Variants in NSD2 observed in about 807,000 individuals in gnomAD.
NSD2 encodes histone-lysine N-methyltransferase NSD2.
NSD2 carries 12 observed loss-of-function variants against 139.0 expected under a neutral mutation model. That is an observed-to-expected ratio of 0.09 (90% CI 0.06 to 0.14). The LOEUF is 0.14. Ranked by LOEUF, NSD2 falls within the 10% of genes least tolerant of loss-of-function variation. The pLI is 1.00. For missense variants in NSD2, 1,155 were observed against 1,745.0 expected, an observed-to-expected ratio of 0.66 and a Z score of 6.02; for synonymous variants, 669 against 648.7, an observed-to-expected ratio of 1.03 and a Z score of -0.48.
intron 9 of NSD2, chr4:1,947,763 G>A: frequency 9.5e-7 from 1 of 1,049,404 alleles, no homozygotes; most frequent in Non-Finnish European, 1.2e-6. Flanking sequence ...AATTATGTCA[G>A]TTTATAGAAA....
chr4:1,896,425 A>G (rs1010123306), intron 1 of NSD2, among the ~76,000 whole-genome samples: 1 of 152,230 alleles, frequency 6.6e-6, no homozygotes, highest in Non-Finnish European at 1.5e-5. Flanking sequence ...CTGGCGTGCA[A>G]TAGTGTGGTC....
chr4:1,978,596 T>C (rs1727384584), intron 21 of NSD2, 42 bp from the exon 22 acceptor site: 6 of 1,561,714 alleles, frequency 3.8e-6, no homozygotes, highest in African/African-American at 1.4e-5. Flanking sequence ...GAAGTCGTGA[T>C]TCCATCACTT....
chr4:1,899,997 C>T (rs1716941344), intron 1 of NSD2, among the ~76,000 whole-genome samples: 1 of 152,192 alleles, frequency 6.6e-6, no homozygotes, highest in South Asian at 2.1e-4. Flanking sequence ...GGATTGCTTT[C>T]ACCCTTGGAG....
rs758288690 is a variant in NSD2 at position 1,961,121 on chromosome 4, C to T, written c.3342C>T (p.Ile1114=). ...TCAAGCACGCACACGAGAACGACAT[C>T]ACCCACTTCTACATGCTCACTATAG... is the stretch of plus-strand genomic sequence containing the variant. The part of the protein sequence containing the change: ...ARIKHAHEND[I]THFYMLTIDK... The change falls in exon 18 of 22, where the codon ATC becomes ATT. Residue 1114 remains isoleucine (I), a synonymous_variant. Coordinates refer to ENST00000508803, the MANE Select transcript of NSD2 (RefSeq NM_001042424.3). The T allele has an allele frequency of 3.7e-6, 6 of 1,613,308 alleles. No homozygotes were observed. The East Asian group carries it at 8.9e-5, about 24-fold the overall frequency.
chr4:1,902,159 G>C (rs539760137), intron 2 of NSD2, among the ~76,000 whole-genome samples: 2 of 152,282 alleles, frequency 1.3e-5, no homozygotes, highest in Admixed American at 6.5e-5. Context: ...TTAAAAAAAC[G>C]TTTTTTGATT....
intron 9 of NSD2, chr4:1,944,083 CG>C (rs1209663924): frequency 4.7e-6 from 5 of 1,064,894 alleles, no homozygotes; most frequent in Non-Finnish European, 5.7e-6. Flanking sequence ...TGTATCTCAG[CG>C]GGGGGTGGGG....
intron 3 of NSD2, among the ~76,000 whole-genome samples, chr4:1,914,950 C>T (rs1301213982): frequency 6.6e-6 from 1 of 152,012 alleles, no homozygotes; most frequent in Non-Finnish European, 1.5e-5. Flanking sequence ...ATTCTTGGAG[C>T]TTCTCTGTTT....
rs555053114 is a variant in NSD2, at chr4:1,956,889, A to G, written c.2881+701A>G. 2.0e-5 allele frequency among the ~76,000 whole-genome samples: 3 copies of G among 152,354 alleles called. No individual in the cohort carries two copies. Among genetic ancestry groups the G allele is most frequent in the Admixed American group, 6.5e-5 (1 of 15,308 alleles). ...GCGTATTTAAAGCTTGGTTAGCTCCATGCTGCCAGAAGCTTTGCAGGCTGC... is the reference window on the plus strand; with the variant it reads ...GCGTATTTAAAGCTTGGTTAGCTCCGTGCTGCCAGAAGCTTTGCAGGCTGC... On this transcript the variant is annotated intron_variant, in intron 15 of 21. Coordinates refer to ENST00000508803, the MANE Select transcript of NSD2 (RefSeq NM_001042424.3). This position sits in a 1 kb window ranked among gnomAD's most constrained non-coding sequence, Gnocchi z 5.3.
intron 1 of NSD2, among the ~76,000 whole-genome samples, chr4:1,874,206 A>C (rs1216599839): frequency 6.6e-6 from 1 of 152,172 alleles, no homozygotes; most frequent in Non-Finnish European, 1.5e-5. Flanking sequence ...GAATGCATAC[A>C]ACTTTGGATA....
chr4:1,965,279 T>C (rs1009187404), intron 18 of NSD2, among the ~76,000 whole-genome samples: 4 of 151,766 alleles, frequency 2.6e-5, no homozygotes, highest in Non-Finnish European at 5.9e-5. Context: ...AATGAAGAGA[T>C]AGAAAACCTA....
At position 1,942,596 on chromosome 4, in the gene NSD2, G is replaced by A. The variant is rs887323806; in HGVS notation, c.1881+2818G>A. 7.5e-5 allele frequency: 99 copies of A among 1,313,184 alleles called. 1 individual carries two copies. The highest frequency in any genetic ancestry group is 6.3e-4 in the Admixed American group (17 of 26,996). 81.3% of individuals were successfully genotyped at this position (1,313,184 alleles called of 1,614,324 possible). A position where few individuals can be genotyped will look rare whatever the true frequency, so the allele number is the denominator to read the frequency against. On this transcript the variant is annotated intron_variant, in intron 9 of 21. Transcript: ENST00000508803. This position sits in a 1 kb window ranked among gnomAD's most constrained non-coding sequence, Gnocchi z 4.0. ...ATAACTAATCAAGGCCATTTAATCC[G>A]TCACATTCATCTCATAATAGAAACA... is the stretch of plus-strand genomic sequence containing the variant.
At chr4:1,916,823 A>T (rs1719460811) in intron 3 of NSD2, 48 bp from the exon 4 acceptor site, 1 of 1,566,536 alleles carries the variant, frequency 6.4e-7, no homozygotes, top group Non-Finnish European at 8.7e-7. Flanking sequence ...GACTAGTTTC[A>T]TCCCAGATTC....
intron 1 of NSD2, among the ~76,000 whole-genome samples, chr4:1,880,062 A>G (rs538650516): frequency 1.3e-5 from 2 of 152,212 alleles, no homozygotes; most frequent in South Asian, 4.1e-4. Flanking sequence ...TGTTTTCCTA[A>G]TGATTTTTAT....
chr4:1,957,829 A>C (rs775280267), intron 15 of NSD2, 104 bp from the exon 16 acceptor site: 6 of 1,099,750 alleles, frequency 5.5e-6, no homozygotes, highest in Non-Finnish European at 7.9e-6. Context: ...ACCAGAAACT[A>C]TACTTAACAT....
chr4:1,959,274 C>A (rs1294886016), intron 16 of NSD2, among the ~76,000 whole-genome samples, 197 bp from the exon 17 acceptor site: 1 of 152,120 alleles, frequency 6.6e-6, no homozygotes, highest in African/African-American at 2.4e-5. Context: ...GCCCTGCCTG[C>A]CTCTTGTGCT....
In NSD2 at chr4:1,982,067, G is replaced by A; in HGVS notation, c.*3158G>A. ...CTTAAAAACTTGAAATTCACTTTTT[G>A]GGGGGAGGGATATACTGAAATAGAG... On this transcript the variant is annotated 3_prime_UTR_variant, in exon 22 of 22. Transcript: ENST00000508803. 1 of 397,362 alleles carries A rather than the reference G, an allele frequency of 2.5e-6. No individual in the cohort carries two copies. Among genetic ancestry groups the A allele is most frequent in the Non-Finnish European group, 4.4e-6 (1 of 225,744 alleles). The allele number at this position is 397,362 out of a possible 1,614,324, so 24.6% of individuals were successfully genotyped here.
Position 1,978,936 on chromosome 4 carries a change from A to AG in NSD2, c.*31dup. ...GCCAGGCGGCCGCTTGGCCGGATCC[A>AG]GGGGCGGTGCAGGGCGGCCGGCCCT... On this transcript the variant is annotated 3_prime_UTR_variant, in exon 22 of 22. Coordinates refer to ENST00000508803, the MANE Select transcript of NSD2 (RefSeq NM_001042424.3). 2.0e-6 allele frequency: 3 copies of AG among 1,474,002 alleles called. No homozygotes were observed. Among genetic ancestry groups the AG allele is most frequent in the Non-Finnish European group, 2.7e-6 (3 of 1,109,656 alleles). 91.3% of individuals were successfully genotyped at this position (1,474,002 alleles called of 1,614,324 possible). A position where few individuals can be genotyped will look rare whatever the true frequency, so the allele number is the denominator to read the frequency against.
chr4:1,934,732 C>T (rs1353151443), intron 6 of NSD2, among the ~76,000 whole-genome samples: 1 of 146,278 alleles, frequency 6.8e-6, no homozygotes, highest in Non-Finnish European at 1.5e-5. Flanking sequence ...CCTGTAATCC[C>T]AGCTACTCAG....
In NSD2 at chr4:1,955,464, C is replaced by T. The variant is rs562612658; in HGVS notation, c.2518+124C>T. ...GTTGACAGTGTTCTGTGCGTCTTCA[C>T]GTTAATAGTATATCACAGTAGCTCT... On this transcript the variant is annotated intron_variant, in intron 13 of 21. Coordinates refer to ENST00000508803, the MANE Select transcript of NSD2 (RefSeq NM_001042424.3). This position sits in a 1 kb window ranked among gnomAD's most constrained non-coding sequence, Gnocchi z 4.7. 22 of 1,308,520 alleles carry T rather than the reference C, an allele frequency of 1.7e-5. No homozygotes were observed. The highest frequency in any genetic ancestry group is 2.7e-4 in the Middle Eastern group (1 of 3,678). The allele number at this position is 1,308,520 out of a possible 1,614,324, so 81.1% of individuals were successfully genotyped here. A position where few individuals can be genotyped will look rare whatever the true frequency, so the allele number is the denominator to read the frequency against.
Sources: allele counts gnomAD v4.1 joint callset (sites outside exome capture counted in the v4.1 genomes callset), GRCh38; gene constraint gnomAD v4.1.1; non-coding constraint Gnocchi (gnomAD v3.1); transcripts MANE v1.5; gene names NCBI Gene and HGNC (gene_info 2026-07-23, HGNC 2026-07-21).